The following TULP4 variants were observed in gnomAD, a reference collection of about 807,000 sequenced individuals.
TULP4 encodes TUB like protein 4, also known as tubby-related protein 4.
TULP4 carries 16 observed loss-of-function variants against 129.0 expected under a neutral mutation model. That is an observed-to-expected ratio of 0.12 (90% confidence interval 0.08 to 0.19). The LOEUF (loss-of-function observed/expected upper bound fraction) is 0.19. Ranked by LOEUF, TULP4 falls within the 10% of genes least tolerant of loss-of-function variation. TULP4 has a pLI of 1.00. For missense variants in TULP4, 1,842 were observed against 2,059.1 expected (o/e 0.89, Z 2.04); for synonymous variants, 998 against 854.0 (o/e 1.17, Z -2.94).
intron 1 of TULP4, among the ~76,000 whole-genome samples, chr6:158,269,092 C>G (rs1778501023): frequency 6.6e-6 from 1 of 152,064 alleles, no homozygotes; most frequent in African/African-American, 2.4e-5. Context: ...TTGGGTTTGC[C>G]ATTTATTATT....
intron 1 of TULP4, among the ~76,000 whole-genome samples, chr6:158,362,060 A>G (rs542497027): frequency 6.2e-4 from 94 of 152,346 alleles, no homozygotes; most frequent in African/African-American, 1.3e-3. Flanking sequence ...ATTGGATTCT[A>G]CACAGAAGTA....
intron 1 of TULP4, among the ~76,000 whole-genome samples, chr6:158,361,314 C>T (rs1780783527): frequency 1.3e-5 from 2 of 152,182 alleles, no homozygotes; most frequent in African/African-American, 2.4e-5. Flanking sequence ...TACCTCCAGA[C>T]CCACTGATTA....
rs962045746 is a variant in TULP4 at position 158,313,345 on chromosome 6, A to G, written c.-672A>G. The G allele has an allele frequency of 7.6e-6, 3 of 396,028 alleles. No individual in the cohort carries two copies. Among genetic ancestry groups the G allele is most frequent in the Non-Finnish European group, 1.3e-5 (3 of 224,976 alleles). 24.5% of individuals were successfully genotyped at this position (396,028 alleles called of 1,614,324 possible). On this transcript the variant is annotated 5_prime_UTR_variant, in exon 1 of 14. Transcript: ENST00000367097. Reference sequence around the variant, plus strand: ...AAGGAGAGAGTCTGTTTTTCTTCCTAAAATTTGGACTCTTGTCTGCACAAA... The same window carrying G: ...AAGGAGAGAGTCTGTTTTTCTTCCTGAAATTTGGACTCTTGTCTGCACAAA...
Position 158,493,816 on chromosome 6 carries a change from T to G in TULP4, c.1776+99T>G. ...CCGCCTGCACTGCTCACTGCCACCATGGGTCCCTGAGCTCTGCTCCACATC... is the reference window on the plus strand; with the variant it reads ...CCGCCTGCACTGCTCACTGCCACCAGGGGTCCCTGAGCTCTGCTCCACATC... On this transcript the variant is annotated intron_variant, in intron 10 of 13. Coordinates refer to ENST00000367097, the MANE Select transcript of TULP4 (RefSeq NM_020245.5). This position sits in a 1 kb window ranked among gnomAD's most constrained non-coding sequence, Gnocchi z 4.4. 1 of 1,347,294 alleles carries G rather than the reference T, an allele frequency of 7.4e-7. No individual in the cohort carries two copies. Among genetic ancestry groups the G allele is most frequent in the Non-Finnish European group, 9.8e-7 (1 of 1,015,358 alleles). 83.5% of individuals were successfully genotyped at this position (1,347,294 alleles called of 1,614,324 possible).
chr6:158,499,492 T>C (rs1244240755), intron 12 of TULP4, among the ~76,000 whole-genome samples: 1 of 152,238 alleles, frequency 6.6e-6, no homozygotes, highest in African/African-American at 2.4e-5. Context: ...CTATTTTGAT[T>C]AATAGATTAC....
intron 3 of TULP4, among the ~76,000 whole-genome samples, chr6:158,430,580 T>TA (rs1035411782): frequency 1.5e-3 from 222 of 148,734 alleles, no homozygotes; most frequent in Admixed American, 2.2e-3. Flanking sequence ...CTGTCTCTAC[T>TA]AAAAAAAAAA....
At chr6:158,474,435 A>G (rs1268395175) in intron 6 of TULP4, among the ~76,000 whole-genome samples, 1 of 152,050 alleles carries the variant, frequency 6.6e-6, no homozygotes, top group Non-Finnish European at 1.5e-5. Flanking sequence ...TTTTCAGAAG[A>G]CTCTATCCAA....
At chr6:158,481,546 G>C in intron 8 of TULP4, 1 of 538,570 alleles carries the variant, frequency 1.9e-6, no homozygotes, top group Non-Finnish European at 3.4e-6. Flanking sequence ...CCAGGCAAGG[G>C]GAAGTTGGCG....
Position 158,502,704 on chromosome 6 carries a change from A to G in TULP4, c.3041A>G (p.Lys1014Arg). ...CGGGCCCCCCTGCAGCCCCTGGCCA[A>G]GTCCAAGGGCGGGCCCGGGGGGGTG... is the stretch of plus-strand genomic sequence containing the variant. Reference protein sequence around the residue: ...SPRAPLQPLAKSKGGPGGVVT... With the variant: ...SPRAPLQPLARSKGGPGGVVT... The change falls in exon 13 of 14, where the codon AAG (lysine) becomes AGG (arginine). Residue 1014 changes from lysine to arginine, a missense_variant. Lys to Arg is a conservative substitution (Grantham distance 26). Coordinates refer to ENST00000367097, the MANE Select transcript of TULP4 (RefSeq NM_020245.5). The G allele has an allele frequency of 6.4e-7, 1 of 1,559,350 alleles. No homozygotes were observed. Among genetic ancestry groups the G allele is most frequent in the Non-Finnish European group, 8.6e-7 (1 of 1,157,852 alleles).
At chr6:158,365,660 AG>A (rs1476240711) in intron 1 of TULP4, among the ~76,000 whole-genome samples, 1 of 150,414 alleles carries the variant, frequency 6.6e-6, no homozygotes, top group Non-Finnish European at 1.5e-5. Context: ...GTTAGTAGAG[AG>A]GGGGTTTCAC....
intron 1 of TULP4, among the ~76,000 whole-genome samples, chr6:158,277,235 C>T (rs1277339803): frequency 2.0e-5 from 3 of 152,228 alleles, no homozygotes; most frequent in African/African-American, 4.8e-5. Flanking sequence ...GCCACCATGC[C>T]CAGCCCTACA....
At chr6:158,283,717 G>A (rs1428326567) in intron 1 of TULP4, among the ~76,000 whole-genome samples, 10 of 152,194 alleles carry the variant, frequency 6.6e-5, no homozygotes, top group Admixed American at 6.5e-4. Context: ...TAAAGTGCAA[G>A]TTGGTCTCCT....
At chr6:158,346,554 A>G (rs138424464) in intron 1 of TULP4, among the ~76,000 whole-genome samples, 84 of 152,344 alleles carry the variant, frequency 5.5e-4, no homozygotes, top group Admixed American at 8.5e-4. Flanking sequence ...TGCAGTATCT[A>G]CAAGTTATGC....
At chr6:158,336,277 T>C (rs1016756231) in intron 1 of TULP4, among the ~76,000 whole-genome samples, 4 of 152,234 alleles carry the variant, frequency 2.6e-5, no homozygotes, top group Non-Finnish European at 2.9e-5. Context: ...TATAGAAATT[T>C]TGGTCACCTT....
intron 6 of TULP4, among the ~76,000 whole-genome samples, chr6:158,470,093 C>T (rs1454573164): frequency 2.0e-5 from 3 of 152,130 alleles, no homozygotes; most frequent in South Asian, 4.1e-4. Context: ...GTGTTCAGCT[C>T]GATTAGGGTG....
intron 1 of TULP4, among the ~76,000 whole-genome samples, chr6:158,329,971 C>T (rs1167681428): frequency 6.6e-6 from 1 of 151,882 alleles, no homozygotes; most frequent in African/African-American, 2.4e-5. Flanking sequence ...CAGCATTGTG[C>T]AATAGAAACA....
chr6:158,300,271 A>G (rs1329362485), intron 1 of TULP4, among the ~76,000 whole-genome samples: 1 of 152,130 alleles, frequency 6.6e-6, no homozygotes, highest in Non-Finnish European at 1.5e-5. Context: ...CTTCCCAGGT[A>G]TTGGTCTGGG....
intron 1 of TULP4, among the ~76,000 whole-genome samples, chr6:158,274,399 C>T (rs1332427566): frequency 1.3e-5 from 2 of 152,242 alleles, no homozygotes; most frequent in Non-Finnish European, 2.9e-5. Context: ...CAGCAGCCTC[C>T]TGCCTGTGCT....
chr6:158,484,987 A>G (rs1780033093), intron 8 of TULP4, among the ~76,000 whole-genome samples: 1 of 152,250 alleles, frequency 6.6e-6, no homozygotes. Flanking sequence ...TGGGTAATGG[A>G]TATAGGCTAG....
Sources: gnomAD v4.1 joint callset for allele counts (sites outside exome capture counted in the v4.1 genomes callset) on GRCh38, gnomAD v4.1.1 for gene constraint, Gnocchi (gnomAD v3.1) non-coding constraint, MANE v1.5 for transcripts, NCBI Gene and HGNC (gene_info 2026-07-23, HGNC 2026-07-21) for gene names.